Variants in MTMR7 observed in about 807,000 individuals in gnomAD.
The protein encoded by MTMR7 is phosphatidylinositol-3-phosphate phosphatase MTMR7.
A neutral mutation model predicts 81.2 loss-of-function variants in MTMR7; 76 were observed. That is an observed-to-expected ratio of 0.94 (90% confidence interval 0.78 to 1.13). The LOEUF is 1.13. MTMR7 is among the 50% of genes most tolerant of loss of function. The pLI is 0.00. For missense variants in MTMR7, 1,044 were observed against 820.0 expected (o/e 1.27, Z -3.34); for synonymous variants, 372 against 289.8 (o/e 1.28, Z -2.88).
chr8:17,321,640 T>A (rs1346364505), intron 7 of MTMR7, among the ~76,000 whole-genome samples: 4 of 152,236 alleles, frequency 2.6e-5, no homozygotes, highest in Admixed American at 2.6e-4. Flanking sequence ...AAACTCAGGA[T>A]AAGGCAGAAA....
intron 5 of MTMR7, among the ~76,000 whole-genome samples, chr8:17,346,987 G>A (rs1488797672): frequency 2.0e-5 from 3 of 151,204 alleles, no homozygotes; most frequent in Non-Finnish European, 2.9e-5. Flanking sequence ...TTGAGCACAG[G>A]AGCTCAAGAC....
rs150960712 is a variant in MTMR7 at position 17,304,818 on chromosome 8, T to C, written c.1353-299A>G. On this transcript the variant is annotated intron_variant, in intron 11 of 13. Transcript: ENST00000180173. ...TTTTCCCCCAAATAGTCATTGGACA[T>C]TTATAATTTGTCACACACTATTCTA... 3.8e-3 allele frequency among the ~76,000 whole-genome samples: 582 copies of C among 151,186 alleles called. 1 individual carries two copies. Among genetic ancestry groups the C allele is most frequent in the Middle Eastern group, 0.027 (8 of 294 alleles).
At chr8:17,312,693 C>T (rs575925352) in intron 8 of MTMR7, among the ~76,000 whole-genome samples, 1 of 151,622 alleles carries the variant, frequency 6.6e-6, no homozygotes, top group African/African-American at 2.4e-5. Context: ...TAGAATAGTA[C>T]CTGGCACTAA....
At chr8:17,339,873 A>G (rs1252900669) in intron 6 of MTMR7, among the ~76,000 whole-genome samples, 1 of 152,252 alleles carries the variant, frequency 6.6e-6, no homozygotes, top group Non-Finnish European at 1.5e-5. Context: ...TAACTTACGA[A>G]GTGAAAAGTT....
chr8:17,382,056 A>G (rs1414108524), intron 1 of MTMR7, among the ~76,000 whole-genome samples: 1 of 152,254 alleles, frequency 6.6e-6, no homozygotes, highest in African/African-American at 2.4e-5. Context: ...CAAAATGGCA[A>G]CAGTGAAAAT....
chr8:17,335,588 G>C (rs930638444), intron 6 of MTMR7, among the ~76,000 whole-genome samples: 1 of 152,208 alleles, frequency 6.6e-6, no homozygotes, highest in African/African-American at 2.4e-5. Context: ...ATCTTGGCAG[G>C]AGGGGGACTT....
intron 5 of MTMR7, among the ~76,000 whole-genome samples, chr8:17,347,473 TCTGA>T (rs1473231745): frequency 6.6e-6 from 1 of 152,110 alleles, no homozygotes; most frequent in Non-Finnish European, 1.5e-5. Context: ...GCTTCTAGAA[TCTGA>T]CTGAGACCCT....
intron 1 of MTMR7, among the ~76,000 whole-genome samples, chr8:17,398,189 A>C (rs1821318011): frequency 6.6e-6 from 1 of 152,178 alleles, no homozygotes; most frequent in African/African-American, 2.4e-5. Context: ...ACATGACTTT[A>C]CCAAATGAAC....
intron 4 of MTMR7, among the ~76,000 whole-genome samples, chr8:17,357,657 T>G (rs560405674): frequency 6.6e-6 from 1 of 152,364 alleles, no homozygotes; most frequent in East Asian, 1.9e-4. Context: ...AAGAACCTAC[T>G]GACATTAAGT....
chr8:17,324,583 A>G (rs2150516542), intron 7 of MTMR7, among the ~76,000 whole-genome samples: 1 of 152,304 alleles, frequency 6.6e-6, no homozygotes, highest in Admixed American at 6.5e-5. Context: ...CTCATACAAC[A>G]CCAGAGAGGC....
intron 1 of MTMR7, among the ~76,000 whole-genome samples, chr8:17,400,696 T>C (rs1821400948): frequency 6.6e-6 from 1 of 152,246 alleles, no homozygotes. Flanking sequence ...TATTGCACAA[T>C]ATTTAACAGC....
intron 6 of MTMR7, among the ~76,000 whole-genome samples, chr8:17,334,170 G>A (rs1819148264): frequency 6.6e-6 from 1 of 152,128 alleles, no homozygotes; most frequent in African/African-American, 2.4e-5. Context: ...TCTACCAGCT[G>A]AAGTGTAATT....
At chr8:17,360,449 T>A (rs890645742) in intron 4 of MTMR7, among the ~76,000 whole-genome samples, 4 of 151,058 alleles carry the variant, frequency 2.6e-5, no homozygotes, top group Non-Finnish European at 5.9e-5. Flanking sequence ...AACAGAAGAA[T>A]GTTTTAAAAA....
chr8:17,388,644 T>C lies in MTMR7; in HGVS notation c.25-15404A>G, dbSNP rs142547715. Among the ~76,000 whole-genome samples, 209 of 152,342 alleles carry C rather than the reference T, an allele frequency of 1.4e-3. 1 individual carries two copies. The highest frequency in any genetic ancestry group is 2.4e-3 in the Non-Finnish European group (165 of 68,022). ...CAAAGGACGAAACCATCTACTTATA[T>C]AGCTCTTTGGGAACTATGGGGAAAT... On this transcript the variant is annotated intron_variant, in intron 1 of 13. Transcript: ENST00000180173.
chr8:17,320,443 G>A (rs1304024287), intron 7 of MTMR7, among the ~76,000 whole-genome samples: 7 of 152,096 alleles, frequency 4.6e-5, no homozygotes, highest in Admixed American at 3.3e-4. Flanking sequence ...AATTGGGAAG[G>A]GAGCTGAGAA....
chr8:17,349,644 C>T (rs1819665327), intron 4 of MTMR7, among the ~76,000 whole-genome samples: 1 of 152,196 alleles, frequency 6.6e-6, no homozygotes, highest in Admixed American at 6.5e-5. Context: ...AGTTCCACCT[C>T]CTTCGGGAAG....
intron 1 of MTMR7, among the ~76,000 whole-genome samples, chr8:17,394,012 CACCCATTAGGATAGCTATAATCAAGAG>C (rs1230238058): frequency 6.6e-6 from 1 of 152,312 alleles, no homozygotes; most frequent in East Asian, 1.9e-4. Context: ...TACCGCTTCA[CACCCATTAGGATAGCTATAATCAAGAG>C]ATAACAACAA....
intron 1 of MTMR7, among the ~76,000 whole-genome samples, chr8:17,376,061 A>G (rs1820576451): frequency 6.6e-6 from 1 of 152,186 alleles, no homozygotes. Context: ...TGCACCCACT[A>G]CCAGTCACAT....
chr8:17,364,255 G>A (rs1039125419), intron 3 of MTMR7, among the ~76,000 whole-genome samples: 1 of 151,662 alleles, frequency 6.6e-6, no homozygotes, highest in African/African-American at 2.4e-5. Context: ...AGATGGTCTC[G>A]ATCTCCTGAC....
Sources: allele counts gnomAD v4.1 joint callset (sites outside exome capture counted in the v4.1 genomes callset), GRCh38; gene constraint gnomAD v4.1.1; transcripts MANE v1.5; gene names NCBI Gene and HGNC (gene_info 2026-07-23, HGNC 2026-07-21).